ANO10: variants seen among roughly 807,000 people sequenced by gnomAD.
ANO10 encodes anoctamin 10, also known as anoctamin-10.
In ANO10, 77 loss-of-function variants were observed where a neutral mutation model predicts 74.7. That is an observed-to-expected ratio of 1.03 (90% CI 0.86 to 1.25). The LOEUF (loss-of-function observed/expected upper bound fraction) is 1.25. Among genes scored for constraint, ANO10 ranks in the 50% most tolerant of loss-of-function variants. The probability of loss-of-function intolerance (pLI) is 0.00; values close to 1 mark genes in which losing one functional copy is unlikely to be tolerated. For missense variants in ANO10, 721 were observed against 778.1 expected (o/e 0.93, Z 0.87); for synonymous variants, 279 against 284.9 (o/e 0.98, Z 0.21).
chr3:43,649,266 G>C (rs940037654), intron 1 of ANO10, among the ~76,000 whole-genome samples: 3 of 152,052 alleles, frequency 2.0e-5, no homozygotes, highest in African/African-American at 7.3e-5. Flanking sequence ...CATAAAATGG[G>C]GTTATGTTTT....
chr3:43,452,666 G>A lies in ANO10; in HGVS notation c.1798-19939C>T, dbSNP rs141196299. Among the ~76,000 whole-genome samples, 111 of 152,324 alleles carry A rather than the reference G, an allele frequency of 7.3e-4. 1 individual carries two copies. Among genetic ancestry groups the A allele is most frequent in the African/African-American group, 2.2e-3 (93 of 41,578 alleles). On this transcript the variant is annotated intron_variant, in intron 11 of 12. Coordinates refer to ENST00000292246, the MANE Select transcript of ANO10 (RefSeq NM_018075.5). Reference sequence around the variant, plus strand: ...AATGTGCAAGTTTTTGTGCAGACATGTGTTTTAATTTCACTTGGGTATATA... The same window carrying A: ...AATGTGCAAGTTTTTGTGCAGACATATGTTTTAATTTCACTTGGGTATATA...
chr3:43,410,577 G>C (rs2092649012), intron 12 of ANO10, among the ~76,000 whole-genome samples: 2 of 152,078 alleles, frequency 1.3e-5, no homozygotes, highest in Admixed American at 1.3e-4. Context: ...AAAATTATGA[G>C]TTTTCTGTGT....
chr3:43,600,541 T>C lies in ANO10; in HGVS notation c.180A>G (p.Glu60=), dbSNP rs1559765520. 6.2e-7 allele frequency: 1 copy of C among 1,613,548 alleles called. No homozygotes were observed. ...LLFRPLLNKY[E]QETLENQNLY... is the part of the protein sequence containing the mutation. ...AGTTCTGATTTTCTAGTGTTTCTTG[T>C]TCATATTTATTTAACAATGGTCTAA... Residue 60 remains glutamate, a synonymous_variant, in exon 3 of 13, where the codon GAA becomes GAG. Coordinates refer to ENST00000292246, the MANE Select transcript of ANO10 (RefSeq NM_018075.5).
intron 7 of ANO10, among the ~76,000 whole-genome samples, chr3:43,566,614 A>C (rs867827444): frequency 8.1e-4 from 124 of 152,280 alleles, no homozygotes; most frequent in Admixed American, 4.1e-3. Flanking sequence ...AACAGACCTG[A>C]AGCTGAGGGT....
rs1208624348 is a variant in ANO10 at position 43,565,703 on chromosome 3, A to G, written c.1243T>C (p.Ser415Pro). 1 of 1,566,470 alleles carries G rather than the reference A, an allele frequency of 6.4e-7. No individual in the cohort carries two copies. The part of the protein sequence containing the change: ...LVFNFLNCFA[S>P]LFYIAFVLKD... Reference sequence around the variant, plus strand: ...AAGACAAAGGCAATATAGAAGAGTGAGGCAAAGCAATTGAGGAAGTTGAAC... The same window carrying G: ...AAGACAAAGGCAATATAGAAGAGTGGGGCAAAGCAATTGAGGAAGTTGAAC... Residue 415 changes from serine (S) to proline (P), a missense_variant, in exon 8 of 13, where the codon TCA becomes CCA. Physicochemically the swap from Ser to Pro is moderately conservative, Grantham distance 74. Coordinates refer to ENST00000292246, the MANE Select transcript of ANO10 (RefSeq NM_018075.5).
At chr3:43,491,109 CTG>C (rs1347255852) in intron 11 of ANO10, among the ~76,000 whole-genome samples, 2 of 152,174 alleles carry the variant, frequency 1.3e-5, no homozygotes, top group African/African-American at 4.8e-5. Flanking sequence ...AGTAAACACA[CTG>C]TGCATGCTCA....
At chr3:43,640,623 A>C (rs941568573) in intron 1 of ANO10, among the ~76,000 whole-genome samples, 25 of 152,220 alleles carry the variant, frequency 1.6e-4, no homozygotes, top group African/African-American at 5.5e-4. Flanking sequence ...CTCCCAAATA[A>C]AATGGTGAAT....
chr3:43,637,611 G>A (rs2083628089), intron 1 of ANO10: 1 of 149,884 alleles, frequency 6.7e-6, no homozygotes, highest in African/African-American at 2.5e-5. Flanking sequence ...ACTAGATAAA[G>A]AAGCAGTAGG....
chr3:43,576,809 T>C lies in ANO10; in HGVS notation c.1045A>G (p.Asn349Asp). The C allele has an allele frequency of 6.2e-7, 1 of 1,614,096 alleles. No homozygotes were observed. The highest frequency in any genetic ancestry group is 8.5e-7 in the Non-Finnish European group (1 of 1,180,010). Residue 349 changes from asparagine (N) to aspartate (D), a missense_variant, in exon 6 of 13, where the codon AAC becomes GAC. By Grantham distance (23) the Asn-to-Asp change is conservative (BLOSUM62 1). Coordinates refer to ENST00000292246, the MANE Select transcript of ANO10 (RefSeq NM_018075.5). ...MEVWALGLHE[N>D]SGSEWTSVLL... ...ACACTGGTCCACTCAGACCCGCTGTTCTCATGTAGACCCAAGGCCCAAACC... is the reference window on the plus strand; with the variant it reads ...ACACTGGTCCACTCAGACCCGCTGTCCTCATGTAGACCCAAGGCCCAAACC...
At chr3:43,637,195 C>T (rs148898017) in intron 1 of ANO10, among the ~76,000 whole-genome samples, 6,978 of 150,420 alleles carry the variant, frequency 0.046, 531 homozygotes, top group African/African-American at 0.16. Flanking sequence ...AAGCTGGGTG[C>T]GGTGGCTCAC....
intron 12 of ANO10, among the ~76,000 whole-genome samples, chr3:43,403,510 C>A (rs1005437263): frequency 1.3e-5 from 2 of 152,154 alleles, no homozygotes; most frequent in African/African-American, 4.8e-5. Flanking sequence ...GCCGGCTACT[C>A]CAAGTCTATG....
intron 11 of ANO10, among the ~76,000 whole-genome samples, chr3:43,537,991 T>C (rs1481939526): frequency 2.0e-5 from 3 of 152,010 alleles, no homozygotes; most frequent in Non-Finnish European, 2.9e-5. Context: ...GGGACAGAAG[T>C]AACAAGACAT....
intron 11 of ANO10, among the ~76,000 whole-genome samples, chr3:43,433,821 A>G (rs1393778025): frequency 2.0e-5 from 3 of 152,252 alleles, no homozygotes; most frequent in African/African-American, 7.2e-5. Flanking sequence ...TAAGTGATCA[A>G]AGGATAAAGC....
intron 11 of ANO10, among the ~76,000 whole-genome samples, chr3:43,518,351 T>C (rs2077799646): frequency 6.6e-6 from 1 of 152,226 alleles, no homozygotes; most frequent in Admixed American, 6.5e-5. Context: ...CTTTAATCTC[T>C]TAATCCCATC....
chr3:43,647,933 A>G (rs2083743861), intron 1 of ANO10, among the ~76,000 whole-genome samples: 1 of 152,176 alleles, frequency 6.6e-6, no homozygotes, highest in Admixed American at 6.5e-5. Flanking sequence ...TGTGGCCTCA[A>G]CTACTACTAT....
chr3:43,571,078 G>GA, intron 7 of ANO10, among the ~76,000 whole-genome samples: 1 of 151,632 alleles, frequency 6.6e-6, no homozygotes, highest in Non-Finnish European at 1.5e-5. Flanking sequence ...AAAAACACAT[G>GA]AAAAAATGCT....
At chr3:43,620,092 A>C (rs1358101029) in intron 1 of ANO10, among the ~76,000 whole-genome samples, 1 of 152,216 alleles carries the variant, frequency 6.6e-6, no homozygotes, top group Non-Finnish European at 1.5e-5. Flanking sequence ...TACAGCTCTC[A>C]TGCAAGCCAT....
chr3:43,539,194 A>G (rs1458582508), intron 11 of ANO10, among the ~76,000 whole-genome samples: 1 of 151,828 alleles, frequency 6.6e-6, no homozygotes, highest in Admixed American at 6.6e-5. Context: ...CACTTTTTCA[A>G]CGGGTCCCCT....
chr3:43,371,389 T>C (rs1229400964), intron 12 of ANO10, among the ~76,000 whole-genome samples: 1 of 152,144 alleles, frequency 6.6e-6, no homozygotes, highest in Non-Finnish European at 1.5e-5. Context: ...CAGCACCTGG[T>C]TCCCCCGAGC....
Sources: allele counts gnomAD v4.1 joint callset (sites outside exome capture counted in the v4.1 genomes callset), GRCh38; gene constraint gnomAD v4.1.1; transcripts MANE v1.5; gene names NCBI Gene and HGNC (gene_info 2026-07-23, HGNC 2026-07-21).